Variants in ELMO1 observed in about 807,000 individuals in gnomAD.
ELMO1 encodes engulfment and cell motility protein 1.
In ELMO1, 26 loss-of-function variants were observed where a neutral mutation model predicts 98.9. The observed-to-expected ratio is 0.26, with a 90% confidence interval of 0.19 to 0.36. The LOEUF (loss-of-function observed/expected upper bound fraction) is 0.36, where lower values mean the gene tolerates loss of function less well. Ranked by LOEUF, ELMO1 falls within the 10% of genes least tolerant of loss-of-function variation. The pLI, the probability that ELMO1 is intolerant of heterozygous loss-of-function variation, is 1.00. For synonymous variants in ELMO1, 346 were observed against 346.0 expected (o/e 1.00, Z 0.00); for missense variants, 627 against 935.2 (o/e 0.67, Z 4.30).
intron 16 of ELMO1, among the ~76,000 whole-genome samples, chr7:36,991,004 C>T (rs1791836714): frequency 6.6e-6 from 1 of 152,124 alleles, no homozygotes; most frequent in Non-Finnish European, 1.5e-5. Flanking sequence ...CTCCTGGTCC[C>T]AAACTGGATG....
At chr7:37,029,081 C>CAG (rs1203700580) in intron 15 of ELMO1, among the ~76,000 whole-genome samples, 1 of 152,040 alleles carries the variant, frequency 6.6e-6, no homozygotes, top group Non-Finnish European at 1.5e-5. Flanking sequence ...GTCACACAGC[C>CAG]AGAGAGAGGC....
rs149574501 is a variant in ELMO1, at chr7:37,324,726, T to C, written c.79-8766A>G. ...CCTCCTGAGTAGCTGAGACTAGAGG[T>C]GTGTACCACCACACCTGGCTGGTTT... On this transcript the variant is annotated intron_variant, in intron 2 of 21. Transcript: ENST00000310758. Among the ~76,000 whole-genome samples the C allele has an allele frequency of 9.9e-5, 15 of 152,238 alleles. No homozygotes were observed. The South Asian group carries it at 2.5e-3, about 25-fold the overall frequency.
At chr7:36,929,205 C>A (rs1200887946) in intron 16 of ELMO1, among the ~76,000 whole-genome samples, 1 of 152,152 alleles carries the variant, frequency 6.6e-6, no homozygotes, top group Admixed American at 6.5e-5. Flanking sequence ...AGGCTTACTT[C>A]CTGATGTCCA....
chr7:37,045,798 T>A (rs368678144), intron 15 of ELMO1, among the ~76,000 whole-genome samples: 1 of 152,240 alleles, frequency 6.6e-6, no homozygotes, highest in Non-Finnish European at 1.5e-5. Context: ...GTATCTTTCA[T>A]GCAATGCTTC....
At chr7:37,437,499 G>A (rs1805198807) in intron 1 of ELMO1, among the ~76,000 whole-genome samples, 1 of 152,148 alleles carries the variant, frequency 6.6e-6, no homozygotes, top group South Asian at 2.1e-4. Context: ...ACTGGTTTAA[G>A]TTTCATTTTT....
At chr7:37,214,213 C>A (rs374328419) in intron 11 of ELMO1, among the ~76,000 whole-genome samples, 24 of 152,234 alleles carry the variant, frequency 1.6e-4, no homozygotes, top group African/African-American at 5.1e-4. Context: ...TAACATACAG[C>A]CTTTTCAACA....
chr7:37,328,361 G>A (rs12532579), intron 2 of ELMO1, among the ~76,000 whole-genome samples: 2,794 of 118,410 alleles, frequency 0.024, 66 homozygotes, highest in Admixed American at 0.067. Flanking sequence ...CCAGCTCTGG[G>A]CAACATAGGG....
chr7:37,422,466 C>CA (rs1438681186), intron 1 of ELMO1, among the ~76,000 whole-genome samples: 1 of 152,216 alleles, frequency 6.6e-6, no homozygotes, highest in Non-Finnish European at 1.5e-5. Context: ...ACATCAGCAA[C>CA]ATTAATAGAG....
At chr7:37,020,376 A>C (rs1243794205) in intron 15 of ELMO1, among the ~76,000 whole-genome samples, 1 of 152,206 alleles carries the variant, frequency 6.6e-6, no homozygotes, top group African/African-American at 2.4e-5. Context: ...TTTAATTTAG[A>C]GTGTGAAGAC....
chr7:36,915,426 T>A (rs993590619), intron 16 of ELMO1, among the ~76,000 whole-genome samples: 1 of 152,078 alleles, frequency 6.6e-6, no homozygotes, highest in Non-Finnish European at 1.5e-5. Flanking sequence ...AGTGATTTCA[T>A]ACTGTAAAGG....
chr7:37,220,332 A>G (rs754170692), intron 10 of ELMO1, among the ~76,000 whole-genome samples: 2 of 152,192 alleles, frequency 1.3e-5, no homozygotes, highest in Non-Finnish European at 2.9e-5. Context: ...CCTTGTAGGT[A>G]TTTTTTAGAG....
intron 1 of ELMO1, among the ~76,000 whole-genome samples, chr7:37,356,855 A>T (rs1415786586): frequency 2.6e-5 from 4 of 152,192 alleles, no homozygotes; most frequent in East Asian, 1.9e-4. Context: ...ATAAATAAAT[A>T]AAAAAATCCT....
intron 15 of ELMO1, among the ~76,000 whole-genome samples, chr7:37,021,309 T>TGG (rs1350363710): frequency 6.6e-6 from 1 of 152,208 alleles, no homozygotes; most frequent in African/African-American, 2.4e-5. Flanking sequence ...TCCTGAAGTC[T>TGG]GGTTTAATAG....
In ELMO1 at chr7:37,233,188, T is replaced by C; in HGVS notation, c.456A>G (p.Gly152=). The change falls in exon 8 of 22, where the codon GGA becomes GGG. Residue 152 remains glycine, a synonymous_variant. Coordinates refer to ENST00000310758, the MANE Select transcript of ELMO1 (RefSeq NM_014800.11). The part of the protein sequence containing the change: ...KLQKIMKPCF[G]DMLSFTLTAF... ...CCGTCAGGGTGAAGGACAGCATGTCTCCAAAGCTGAAAAAGACAGAGAGGC... is the reference window on the plus strand; with the variant it reads ...CCGTCAGGGTGAAGGACAGCATGTCCCCAAAGCTGAAAAAGACAGAGAGGC... The C allele has an allele frequency of 6.2e-7, 1 of 1,612,560 alleles. No individual in the cohort carries two copies. Among genetic ancestry groups the C allele is most frequent in the Non-Finnish European group, 8.5e-7 (1 of 1,179,422 alleles).
At chr7:37,318,655 G>A (rs1799329498) in intron 2 of ELMO1, among the ~76,000 whole-genome samples, 1 of 152,154 alleles carries the variant, frequency 6.6e-6, no homozygotes, top group South Asian at 2.1e-4. Context: ...AGACAAAGAT[G>A]AAAGAAAAAC....
rs1265295768 is a variant in ELMO1 at position 37,192,240 on chromosome 7, T to C, written c.1086+19146A>G. Among the ~76,000 whole-genome samples the C allele has an allele frequency of 2.0e-5, 3 of 152,264 alleles. No individual in the cohort carries two copies. In the East Asian group the frequency reaches 5.8e-4, roughly 29 times the overall value. ...GGCCAGGTGTGGTTGCTCATGGCTG[T>C]AATCCCAGCACTTTGGGAGGCCAAG... On this transcript the variant is annotated intron_variant, in intron 13 of 21. Coordinates refer to ENST00000310758, the MANE Select transcript of ELMO1 (RefSeq NM_014800.11).
chr7:36,906,694 G>C (rs1302409793), intron 16 of ELMO1, among the ~76,000 whole-genome samples: 1 of 152,062 alleles, frequency 6.6e-6, no homozygotes, highest in Non-Finnish European at 1.5e-5. Flanking sequence ...AGGAGGCTGG[G>C]GTGGGAGGAT....
chr7:37,377,789 C>T (rs902975113), intron 1 of ELMO1, among the ~76,000 whole-genome samples: 40 of 152,122 alleles, frequency 2.6e-4, no homozygotes, highest in Non-Finnish European at 2.2e-4. Flanking sequence ...GAGAAGCCAG[C>T]GCCTTGGCAC....
chr7:36,944,355 T>G (rs143174894), intron 16 of ELMO1, among the ~76,000 whole-genome samples: 142 of 152,184 alleles, frequency 9.3e-4, no homozygotes, highest in African/African-American at 3.2e-3. Flanking sequence ...AATGGAGAAG[T>G]TGAGATTCAA....
Sources: gnomAD v4.1 joint callset for allele counts (sites outside exome capture counted in the v4.1 genomes callset) on GRCh38, gnomAD v4.1.1 for gene constraint, MANE v1.5 for transcripts, NCBI Gene and HGNC (gene_info 2026-07-23, HGNC 2026-07-21) for gene names.